Variants in AHI1 observed in about 807,000 individuals in gnomAD.
The protein encoded by AHI1 is Abelson helper integration site 1, also known as jouberin.
A neutral mutation model predicts 149.3 loss-of-function variants in AHI1; 123 were observed. The ratio of observed to expected loss-of-function variants is 0.82; its 90% confidence interval spans 0.71 to 0.96. The LOEUF (loss-of-function observed/expected upper bound fraction) is 0.96, where lower values mean the gene tolerates loss of function less well. Among genes scored for constraint, AHI1 ranks in the 40% least tolerant of loss-of-function variants. The pLI, the probability that AHI1 is intolerant of heterozygous loss-of-function variation, is 0.00. For synonymous variants in AHI1, 475 were observed against 459.8 expected (o/e 1.03, Z -0.42); for missense variants, 1,439 against 1,422.7 (o/e 1.01, Z -0.18).
At position 135,448,264 on chromosome 6, in the gene AHI1, A is replaced by G. The variant is rs775600762; in HGVS notation, c.1626+26T>C. On this transcript the variant is annotated intron_variant, in intron 12 of 28. Coordinates refer to ENST00000265602, the MANE Select transcript of AHI1 (RefSeq NM_001134831.2). ...ATTTAATTTCAACACTAGATGATATACACTTAATATGTACTATTAACTTAC... is the reference window on the plus strand; with the variant it reads ...ATTTAATTTCAACACTAGATGATATGCACTTAATATGTACTATTAACTTAC... 4.1e-6 allele frequency: 6 copies of G among 1,457,096 alleles called. No individual in the cohort carries two copies. The South Asian group carries it at 9.3e-5, about 22-fold the overall frequency. The allele number at this position is 1,457,096 out of a possible 1,614,324, so 90.3% of individuals were successfully genotyped here.
At position 135,361,960 on chromosome 6, in the gene AHI1, A is replaced by T. The variant is rs549662444; in HGVS notation, c.3110-3773T>A. Among the ~76,000 whole-genome samples, 3 of 152,142 alleles carry T rather than the reference A, an allele frequency of 2.0e-5. No individual in the cohort carries two copies. In the East Asian group the frequency reaches 5.8e-4, roughly 29 times the overall value. ...CTGTCACCCAAGCAGTGTACACTGTACCCAATGTGTACTCTTCTATCCCTC... is the reference window on the plus strand; with the variant it reads ...CTGTCACCCAAGCAGTGTACACTGTTCCCAATGTGTACTCTTCTATCCCTC... On this transcript the variant is annotated intron_variant, in intron 23 of 28. Transcript: ENST00000265602.
chr6:135,407,896 G>A (rs780343998), intron 21 of AHI1, among the ~76,000 whole-genome samples: 8 of 152,034 alleles, frequency 5.3e-5, no homozygotes, highest in African/African-American at 9.6e-5. Flanking sequence ...TTAATCGGGC[G>A]TGGTGGCGGG....
At chr6:135,333,271 C>A (rs1319225459) in intron 24 of AHI1, among the ~76,000 whole-genome samples, 1 of 151,922 alleles carries the variant, frequency 6.6e-6, no homozygotes, top group Non-Finnish European at 1.5e-5. Flanking sequence ...TGTAGAAAAC[C>A]AAATTTAACA....
intron 28 of AHI1, among the ~76,000 whole-genome samples, chr6:135,287,668 G>A (rs924715976): frequency 6.6e-5 from 10 of 152,170 alleles, no homozygotes; most frequent in African/African-American, 1.4e-4. Flanking sequence ...AGAAAGTAAC[G>A]AAGCAAAGCC....
chr6:135,453,237 C>T, intron 11 of AHI1, 104 bp downstream of exon 11: 1 of 873,432 alleles, frequency 1.1e-6, no homozygotes, highest in Non-Finnish European at 1.9e-6. Flanking sequence ...ACAACATTAC[C>T]TTAGATTCTA....
In AHI1 at chr6:135,431,136, T is replaced by C. The variant is rs111866629; in HGVS notation, c.2373+72A>G. The C allele has an allele frequency of 7.7e-3, 7,780 of 1,012,002 alleles. 340 individuals are homozygous for C. In the African/African-American group the frequency reaches 0.1, roughly 13 times the overall value. 62.7% of individuals were successfully genotyped at this position (1,012,002 alleles called of 1,614,324 possible). A position where few individuals can be genotyped will look rare whatever the true frequency, so the allele number is the denominator to read the frequency against. ...GAGAACAGAATGTCCTGACATCCTA[T>C]CTTAAAGTCATGTGATTGGATTTTT... is the stretch of plus-strand genomic sequence containing the variant. On this transcript the variant is annotated intron_variant, in intron 17 of 28. Coordinates refer to ENST00000265602, the MANE Select transcript of AHI1 (RefSeq NM_001134831.2).
At chr6:135,453,055 A>G (rs930125062) in intron 11 of AHI1, among the ~76,000 whole-genome samples, 2 of 152,224 alleles carry the variant, frequency 1.3e-5, no homozygotes, top group Non-Finnish European at 1.5e-5. Flanking sequence ...TGGCACATAG[A>G]AAAGTCTTAA....
chr6:135,492,879 C>A (rs1028702633), intron 3 of AHI1: 2 of 984,750 alleles, frequency 2.0e-6, no homozygotes, highest in African/African-American at 3.5e-5. Flanking sequence ...TACTAAATTG[C>A]CCATTTTATT....
At chr6:135,418,944 AT>A (rs560654045) in intron 20 of AHI1, among the ~76,000 whole-genome samples, 2,519 of 141,268 alleles carry the variant, frequency 0.018, 44 homozygotes, top group African/African-American at 0.052. Flanking sequence ...AGTACTTATA[AT>A]TTTTTTTTTT....
Position 135,371,056 on chromosome 6 carries a change from C to T in AHI1, c.3110-12869G>A, listed in dbSNP as rs1774980562. Among the ~76,000 whole-genome samples the T allele has an allele frequency of 2.0e-5, 3 of 152,250 alleles. No individual in the cohort carries two copies. The South Asian group carries it at 6.2e-4, about 32-fold the overall frequency. On this transcript the variant is annotated intron_variant, in intron 23 of 28. Transcript: ENST00000265602. Reference sequence around the variant, plus strand: ...TTAAACTTTTAGAAGGCTTTTATTTCTCTATTCTTTTTATATAGTTAAGTT... The same window carrying T: ...TTAAACTTTTAGAAGGCTTTTATTTTTCTATTCTTTTTATATAGTTAAGTT...
chr6:135,468,502 G>A (rs1267431632), intron 5 of AHI1, among the ~76,000 whole-genome samples: 1 of 152,026 alleles, frequency 6.6e-6, no homozygotes, highest in Admixed American at 6.6e-5. Context: ...TCAGGAGTTC[G>A]AGATCAGCCT....
chr6:135,446,189 A>T lies in AHI1; in HGVS notation c.1779+819T>A, dbSNP rs111524647. ...ACCCCCACCCCTTGTCACCCAAATG[A>T]ATATGCTAAAGCTCTAACCCCTAAC... On this transcript the variant is annotated intron_variant, in intron 13 of 28. Transcript: ENST00000265602. Among the ~76,000 whole-genome samples, 610 of 152,276 alleles carry T rather than the reference A, an allele frequency of 4.0e-3. 7 individuals are homozygous for T. Among genetic ancestry groups the T allele is most frequent in the African/African-American group, 0.012 (490 of 41,526 alleles).
chr6:135,378,515 C>A (rs569989393), intron 23 of AHI1, among the ~76,000 whole-genome samples: 29 of 152,332 alleles, frequency 1.9e-4, no homozygotes, highest in African/African-American at 7.0e-4. Flanking sequence ...TATATTCTAT[C>A]TGAGGCTAGC....
At chr6:135,294,698 C>CAAAAAAAA (rs56734547) in intron 27 of AHI1, among the ~76,000 whole-genome samples, 379 of 67,636 alleles carry the variant, frequency 5.6e-3, no homozygotes, top group Middle Eastern at 0.012. Flanking sequence ...TCTCCAAATG[C>CAAAAAAAA]AAAAAAAAAA....
chr6:135,379,031 C>G (rs1449155368), intron 23 of AHI1, among the ~76,000 whole-genome samples: 1 of 152,202 alleles, frequency 6.6e-6, no homozygotes, highest in Non-Finnish European at 1.5e-5. Flanking sequence ...TACTTACACT[C>G]TAAGCCTATA....
chr6:135,485,085 T>A (rs564361887), intron 5 of AHI1, among the ~76,000 whole-genome samples: 1 of 152,084 alleles, frequency 6.6e-6, no homozygotes, highest in East Asian at 1.9e-4. Context: ...TTTTTTTTTT[T>A]TTTTTAAGAC....
chr6:135,330,010 G>A (rs117524893), intron 24 of AHI1, among the ~76,000 whole-genome samples: 3,056 of 152,286 alleles, frequency 0.02, 37 homozygotes, highest in East Asian at 0.045. Context: ...TAAAACGAAT[G>A]GATAAAGAGT....
chr6:135,385,600 A>G (rs1296787322), intron 23 of AHI1, among the ~76,000 whole-genome samples: 1 of 152,224 alleles, frequency 6.6e-6, no homozygotes, highest in Non-Finnish European at 1.5e-5. Context: ...CATCTGTCTG[A>G]AAACATTATT....
chr6:135,412,555 CATG>C (rs933490094), intron 20 of AHI1, among the ~76,000 whole-genome samples: 4 of 152,082 alleles, frequency 2.6e-5, no homozygotes, highest in African/African-American at 7.2e-5. Flanking sequence ...GATGACTGAT[CATG>C]ATGATGATGA....
Sources: allele counts gnomAD v4.1 joint callset (sites outside exome capture counted in the v4.1 genomes callset), GRCh38; gene constraint gnomAD v4.1.1; transcripts MANE v1.5; gene names NCBI Gene and HGNC (gene_info 2026-07-23, HGNC 2026-07-21).